Variants in PDZRN4 observed in about 807,000 individuals in gnomAD.
PDZRN4 encodes the protein PDZ domain-containing RING finger protein 4.
A neutral mutation model predicts 99.0 loss-of-function variants in PDZRN4; 70 were observed. The observed-to-expected ratio is 0.71, with a 90% CI of 0.58 to 0.86. The LOEUF is 0.86. Among genes scored for constraint, PDZRN4 ranks in the 40% least tolerant of loss-of-function variants. The pLI, the probability that PDZRN4 is intolerant of heterozygous loss-of-function variation, is 0.00. For synonymous variants in PDZRN4, 551 were observed against 501.6 expected, an observed-to-expected ratio of 1.10 and a Z score of -1.32; for missense variants, 1,474 against 1,331.2, an observed-to-expected ratio of 1.11 and a Z score of -1.67.
chr12:41,255,197 A>G (rs1232664662), intron 3 of PDZRN4, among the ~76,000 whole-genome samples: 1 of 152,112 alleles, frequency 6.6e-6, no homozygotes, highest in Non-Finnish European at 1.5e-5. Context: ...GCCAGAGTAT[A>G]GAGTGCACAG....
intron 4 of PDZRN4, 81 bp downstream of exon 4, chr12:41,506,793 C>T (rs1358675668): frequency 2.4e-5 from 35 of 1,473,778 alleles, no homozygotes; most frequent in Middle Eastern, 3.7e-4. Context: ...AGCAGTTCCA[C>T]TAGCAGGTTG....
intron 3 of PDZRN4, among the ~76,000 whole-genome samples, chr12:41,244,941 C>T (rs982750943): frequency 3.4e-4 from 52 of 151,276 alleles, no homozygotes; most frequent in African/African-American, 1.1e-3. Flanking sequence ...CCACCCGCCT[C>T]GGCCTCCCAA....
chr12:41,304,895 C>G (rs1273775363), intron 3 of PDZRN4, among the ~76,000 whole-genome samples: 1 of 152,174 alleles, frequency 6.6e-6, no homozygotes, highest in Non-Finnish European at 1.5e-5. Flanking sequence ...TACTGCATAA[C>G]ATACTTCATA....
intron 5 of PDZRN4, among the ~76,000 whole-genome samples, chr12:41,540,071 C>G (rs1938821464): frequency 6.6e-6 from 1 of 152,110 alleles, no homozygotes; most frequent in South Asian, 2.1e-4. Flanking sequence ...AGAATTTGTG[C>G]TATTAAATGA....
intron 3 of PDZRN4, among the ~76,000 whole-genome samples, chr12:41,321,454 T>A (rs1253341897): frequency 6.6e-6 from 1 of 152,218 alleles, no homozygotes; most frequent in Non-Finnish European, 1.5e-5. Flanking sequence ...ATTTCCTTTG[T>A]GACATTATTC....
intron 3 of PDZRN4, among the ~76,000 whole-genome samples, chr12:41,229,942 G>T (rs1566377160): frequency 6.6e-6 from 1 of 151,986 alleles, no homozygotes; most frequent in African/African-American, 2.4e-5. Flanking sequence ...GGACTTAGTG[G>T]TTTTTCCCAA....
chr12:41,573,006 G>A lies in PDZRN4; in HGVS notation c.2227G>A (p.Glu743Lys), dbSNP rs1939510690. 1 of 1,614,144 alleles carries A rather than the reference G, an allele frequency of 6.2e-7. No homozygotes were observed. The highest frequency in any genetic ancestry group is 1.7e-5 in the Admixed American group (1 of 60,024). The change falls in exon 10 of 10, where the codon GAG (glutamate) becomes AAG (lysine). Residue 743 changes from glutamate to lysine, a missense_variant. Coordinates refer to ENST00000402685, the MANE Select transcript of PDZRN4 (RefSeq NM_001164595.2). ...KDSSSAYNTA[E>K]SCRSTPLTVD... ...CAGTTCTAGTGCTTACAACACAGCT[G>A]AGAGCTGCAGAAGTACTCCGCTCAC... is the stretch of plus-strand genomic sequence containing the variant.
intron 3 of PDZRN4, among the ~76,000 whole-genome samples, chr12:41,484,121 G>C (rs1419909481): frequency 6.6e-6 from 1 of 152,066 alleles, no homozygotes; most frequent in Non-Finnish European, 1.5e-5. Context: ...AGAGAATAAT[G>C]ATCTCTATCA....
chr12:41,459,251 A>G (rs1952848039), intron 3 of PDZRN4, among the ~76,000 whole-genome samples: 1 of 152,190 alleles, frequency 6.6e-6, no homozygotes, highest in South Asian at 2.1e-4. Context: ...GACCTTTTAT[A>G]CCAACATTTC....
chr12:41,419,463 T>C (rs1670499071), intron 3 of PDZRN4, among the ~76,000 whole-genome samples: 1 of 152,134 alleles, frequency 6.6e-6, no homozygotes, highest in Admixed American at 6.6e-5. Flanking sequence ...GAGAGACTCA[T>C]CAAATAACAT....
At chr12:41,530,180 G>A (rs150363584) in intron 5 of PDZRN4, among the ~76,000 whole-genome samples, 37 of 152,300 alleles carry the variant, frequency 2.4e-4, no homozygotes, top group African/African-American at 8.7e-4. Flanking sequence ...AGTGAATGCC[G>A]TCTACCCAAC....
chr12:41,246,037 A>G lies in PDZRN4; in HGVS notation c.843+51849A>G, dbSNP rs561771832. Among the ~76,000 whole-genome samples the G allele has an allele frequency of 7.9e-5, 12 of 152,250 alleles. No homozygotes were observed. In the South Asian group the frequency reaches 2.5e-3, roughly 32 times the overall value. ...CCATCTGAGATTTTAAGTCTTCAAA[A>G]TTTAGGATGGTAATTAATAGCATGC... is the stretch of plus-strand genomic sequence containing the variant. On this transcript the variant is annotated intron_variant, in intron 3 of 9. Coordinates refer to ENST00000402685, the MANE Select transcript of PDZRN4 (RefSeq NM_001164595.2).
chr12:41,484,036 A>C (rs1937728001), intron 3 of PDZRN4, among the ~76,000 whole-genome samples: 1 of 152,182 alleles, frequency 6.6e-6, no homozygotes, highest in African/African-American at 2.4e-5. Context: ...AAATATCTCG[A>C]GTTTGTGTGT....
At chr12:41,217,466 A>G (rs2120714909) in intron 3 of PDZRN4, among the ~76,000 whole-genome samples, 1 of 152,216 alleles carries the variant, frequency 6.6e-6, no homozygotes, top group Middle Eastern at 3.4e-3. Context: ...AAAACAAAAT[A>G]AAAGCACCAA....
At chr12:41,218,814 G>A (rs1950937024) in intron 3 of PDZRN4, among the ~76,000 whole-genome samples, 1 of 151,804 alleles carries the variant, frequency 6.6e-6, no homozygotes, top group African/African-American at 2.4e-5. Context: ...TCAAATATTT[G>A]GCTACAAGTG....
At chr12:41,351,484 C>T (rs968377968) in intron 3 of PDZRN4, among the ~76,000 whole-genome samples, 1 of 152,004 alleles carries the variant, frequency 6.6e-6, no homozygotes. Flanking sequence ...GTTCTATAGG[C>T]TGTACAGATT....
intron 3 of PDZRN4, among the ~76,000 whole-genome samples, chr12:41,199,927 A>G (rs1950803459): frequency 6.6e-6 from 1 of 152,136 alleles, no homozygotes; most frequent in Non-Finnish European, 1.5e-5. Flanking sequence ...CATCTTATTC[A>G]GGTCATGTTT....
chr12:41,563,474 G>A (rs1329154636), intron 7 of PDZRN4, 74 bp from the exon 8 acceptor site: 1 of 1,036,038 alleles, frequency 9.7e-7, no homozygotes, highest in Non-Finnish European at 1.5e-6. Flanking sequence ...CCATAAATGA[G>A]CTGATATTTG....
At chr12:41,320,149 G>A (rs1416868709) in intron 3 of PDZRN4, among the ~76,000 whole-genome samples, 1 of 152,174 alleles carries the variant, frequency 6.6e-6, no homozygotes, top group Admixed American at 6.5e-5. Context: ...CGAGAACATC[G>A]TTTCAGCACT....
Sources: allele counts gnomAD v4.1 joint callset (sites outside exome capture counted in the v4.1 genomes callset), GRCh38; gene constraint gnomAD v4.1.1; transcripts MANE v1.5; gene names NCBI Gene and HGNC (gene_info 2026-07-23, HGNC 2026-07-21).